The following NRXN3 variants were observed in gnomAD, a reference collection of about 807,000 sequenced individuals.
NRXN3 encodes the protein neurexin III.
A neutral mutation model predicts 137.6 loss-of-function variants in NRXN3; 32 were observed. The ratio of observed to expected loss-of-function variants is 0.23; its 90% CI spans 0.18 to 0.31. The LOEUF is 0.31. NRXN3 is among the 10% of genes least tolerant of loss of function. The pLI is 1.00. For synonymous variants in NRXN3, 798 were observed against 784.5 expected, an observed-to-expected ratio of 1.02 and a Z score of -0.29; for missense variants, 1,574 against 2,062.5, an observed-to-expected ratio of 0.76 and a Z score of 4.59.
At position 78,257,625 on chromosome 14, in the gene NRXN3, G is replaced by A. The variant is rs145920298; in HGVS notation, c.709+13823G>A. Among the ~76,000 whole-genome samples, 360 of 152,334 alleles carry A rather than the reference G, an allele frequency of 2.4e-3. 1 individual carries two copies. The highest frequency in any genetic ancestry group is 8.2e-3 in the African/African-American group (342 of 41,572). On this transcript the variant is annotated intron_variant, in intron 2 of 20. Coordinates refer to ENST00000335750, the MANE Select transcript of NRXN3 (RefSeq NM_001330195.2). The stretch of plus-strand genomic sequence containing the variant: ...GGGCAGCTCTATGAGAGAGCAGCTT[G>A]CTGTTTCCAGCTGTTTGCGGTAGTC...
intron 10 of NRXN3, among the ~76,000 whole-genome samples, chr14:78,861,544 CA>C (rs1282311481): frequency 2.6e-5 from 4 of 152,090 alleles, no homozygotes; most frequent in African/African-American, 7.2e-5. Flanking sequence ...TTAAAACACA[CA>C]TAATTACTTA....
intron 15 of NRXN3, among the ~76,000 whole-genome samples, chr14:79,286,365 C>T (rs2082253006): frequency 6.6e-6 from 1 of 151,818 alleles, no homozygotes; most frequent in Admixed American, 6.6e-5. Context: ...ATAAATTTCT[C>T]GTTTTTCAAT....
intron 4 of NRXN3, among the ~76,000 whole-genome samples, chr14:78,528,864 C>T (rs2096418871): frequency 6.6e-6 from 1 of 152,102 alleles, no homozygotes; most frequent in African/African-American, 2.4e-5. Context: ...ATCTAGATTA[C>T]CAATTCTTTT....
At chr14:79,202,614 C>T (rs896125396) in intron 15 of NRXN3, among the ~76,000 whole-genome samples, 44 of 152,106 alleles carry the variant, frequency 2.9e-4, no homozygotes, top group African/African-American at 1.0e-3. Context: ...TCCCACATAT[C>T]AGTGAGAACA....
At chr14:78,802,715 G>T (rs1304921790) in intron 8 of NRXN3, among the ~76,000 whole-genome samples, 2 of 152,200 alleles carry the variant, frequency 1.3e-5, no homozygotes, top group African/African-American at 2.4e-5. Flanking sequence ...GGAGGCCAAG[G>T]TGGGTGGATT....
chr14:79,472,985 G>A (rs2096528127), intron 16 of NRXN3, among the ~76,000 whole-genome samples: 1 of 152,144 alleles, frequency 6.6e-6, no homozygotes, highest in African/African-American at 2.4e-5. Flanking sequence ...CTCTCTGTAT[G>A]TAATTTACAG....
intron 4 of NRXN3, among the ~76,000 whole-genome samples, chr14:78,530,399 T>C (rs569833836): frequency 2.6e-5 from 4 of 152,142 alleles, no homozygotes; most frequent in Non-Finnish European, 5.9e-5. Flanking sequence ...CCCTTTTTAT[T>C]TCCCCTTTCC....
intron 4 of NRXN3, among the ~76,000 whole-genome samples, chr14:78,401,457 G>A (rs796614642): frequency 1.2e-4 from 19 of 152,176 alleles, no homozygotes; most frequent in African/African-American, 2.6e-4. Flanking sequence ...GAGCCACCAC[G>A]TCTGGCCCAA....
chr14:78,681,687 T>C (rs527914928), intron 6 of NRXN3, among the ~76,000 whole-genome samples: 3 of 152,310 alleles, frequency 2.0e-5, no homozygotes, highest in South Asian at 4.2e-4. Flanking sequence ...CCAAAGCAGA[T>C]GACTAATTTT....
intron 15 of NRXN3, among the ~76,000 whole-genome samples, chr14:79,127,315 C>T (rs896286340): frequency 4.1e-4 from 63 of 152,184 alleles, no homozygotes; most frequent in African/African-American, 1.4e-3. Context: ...TTAGTTCTAA[C>T]GTTTAAGTCT....
intron 15 of NRXN3, among the ~76,000 whole-genome samples, chr14:79,419,708 A>G (rs1390003987): frequency 2.0e-5 from 3 of 152,176 alleles, no homozygotes; most frequent in Non-Finnish European, 4.4e-5. Flanking sequence ...AATCAATTCC[A>G]GCTCAACCAC....
chr14:79,522,173 A>G (rs2097072463), intron 16 of NRXN3, among the ~76,000 whole-genome samples: 1 of 152,170 alleles, frequency 6.6e-6, no homozygotes, highest in African/African-American at 2.4e-5. Flanking sequence ...GATGACTGTA[A>G]TGCACAGGGG....
intron 16 of NRXN3, among the ~76,000 whole-genome samples, chr14:79,543,420 G>A (rs541442639): frequency 1.1e-3 from 171 of 152,268 alleles, no homozygotes; most frequent in Non-Finnish European, 2.1e-3. Flanking sequence ...CAAGTTCCAG[G>A]TCAGTTGTTT....
chr14:79,625,040 T>C (rs1429218667), intron 16 of NRXN3, among the ~76,000 whole-genome samples: 1 of 152,020 alleles, frequency 6.6e-6, no homozygotes, highest in Non-Finnish European at 1.5e-5. Flanking sequence ...CTCAAGTGAT[T>C]CTCCCACCTC....
chr14:79,138,957 A>G (rs1221835640), intron 15 of NRXN3, among the ~76,000 whole-genome samples: 2 of 152,252 alleles, frequency 1.3e-5, no homozygotes, highest in Non-Finnish European at 2.9e-5. Flanking sequence ...ATGGATTTCC[A>G]CAAGAGAGGG....
chr14:78,489,692 CA>C (rs1361528020), intron 4 of NRXN3, among the ~76,000 whole-genome samples: 4 of 151,870 alleles, frequency 2.6e-5, no homozygotes, highest in Non-Finnish European at 5.9e-5. Flanking sequence ...TGTTGACAGA[CA>C]AATGAGGGAT....
At chr14:79,201,086 A>G (rs1216436513) in intron 15 of NRXN3, 1 of 152,130 alleles carries the variant, frequency 6.6e-6, no homozygotes, top group Non-Finnish European at 1.5e-5. Flanking sequence ...GATAAAATTT[A>G]TATTGAAGCC....
intron 15 of NRXN3, among the ~76,000 whole-genome samples, chr14:79,067,697 A>G (rs75003206): frequency 8.2e-4 from 124 of 151,994 alleles, no homozygotes; most frequent in Non-Finnish European, 1.4e-3. Context: ...CCTTTCTTAT[A>G]AGGAAGGCAA....
chr14:79,709,536 C>A (rs923600607), intron 19 of NRXN3, among the ~76,000 whole-genome samples: 3 of 152,110 alleles, frequency 2.0e-5, no homozygotes, highest in African/African-American at 7.2e-5. Context: ...TGAGAGGTGA[C>A]CTCCAATGGA....
Sources: gnomAD v4.1 joint callset for allele counts (sites outside exome capture counted in the v4.1 genomes callset) on GRCh38, gnomAD v4.1.1 for gene constraint, MANE v1.5 for transcripts, NCBI Gene and HGNC (gene_info 2026-07-23, HGNC 2026-07-21) for gene names.